The following AKAP8L variants were observed in gnomAD, a reference collection of about 807,000 sequenced individuals.
AKAP8L encodes the protein A-kinase anchor protein 8-like.
In AKAP8L, 34 loss-of-function variants were observed where a neutral mutation model predicts 77.5. That is an observed-to-expected ratio of 0.44 (90% CI 0.33 to 0.58). The LOEUF (loss-of-function observed/expected upper bound fraction) is 0.58. Among genes scored for constraint, AKAP8L ranks in the 20% least tolerant of loss-of-function variants. The probability of loss-of-function intolerance (pLI) is 0.02; values close to 1 mark genes in which losing one functional copy is unlikely to be tolerated. For missense variants in AKAP8L, 806 were observed against 887.6 expected (o/e 0.91, Z 1.17); for synonymous variants, 342 against 340.7 (o/e 1.00, Z -0.04).
chr19:15,410,960 G>A (rs1030999305), intron 1 of AKAP8L, among the ~76,000 whole-genome samples: 3 of 151,982 alleles, frequency 2.0e-5, no homozygotes, highest in South Asian at 2.1e-4. Flanking sequence ...CTATACGTTC[G>A]TGCCATCATT....
chr19:15,407,710 T>C (rs1049677306), intron 2 of AKAP8L, among the ~76,000 whole-genome samples: 1 of 152,234 alleles, frequency 6.6e-6, no homozygotes, highest in Admixed American at 6.5e-5. Context: ...GTAGGATCTG[T>C]GTTGAAAACT....
chr19:15,383,609 T>A (rs931845145), intron 12 of AKAP8L: 2 of 152,228 alleles, frequency 1.3e-5, no homozygotes, highest in Admixed American at 1.3e-4. Flanking sequence ...TATACTGAGA[T>A]CTTTTGCTAG....
chr19:15,401,655 T>C lies in AKAP8L; in HGVS notation c.363-52A>G. 1 of 1,407,824 alleles carries C rather than the reference T, an allele frequency of 7.1e-7. No individual in the cohort carries two copies. The highest frequency in any genetic ancestry group is 9.6e-7 in the Non-Finnish European group (1 of 1,043,880). 87.2% of individuals were successfully genotyped at this position (1,407,824 alleles called of 1,614,324 possible). A position where few individuals can be genotyped will look rare whatever the true frequency, so the allele number is the denominator to read the frequency against. Reference sequence around the variant, plus strand: ...GTGGAGCCCCTCAGGATCCCTCACCTCCAGGCAACTGCTCCTGCCCTCCCC... The same window carrying C: ...GTGGAGCCCCTCAGGATCCCTCACCCCCAGGCAACTGCTCCTGCCCTCCCC... On this transcript the variant is annotated intron_variant, in intron 4 of 13. Transcript: ENST00000397410. The surrounding 1 kb of genome is among the most constrained non-coding windows in gnomAD (Gnocchi z 6.2).
In AKAP8L at chr19:15,395,549, G is replaced by A. The variant is rs553035875; in HGVS notation, c.1536+1601C>T. Among the ~76,000 whole-genome samples, 9 of 151,398 alleles carry A rather than the reference G, an allele frequency of 5.9e-5. No individual in the cohort carries two copies. In the South Asian group the frequency reaches 8.3e-4, roughly 14 times the overall value. On this transcript the variant is annotated intron_variant, in intron 12 of 13. Transcript: ENST00000397410. ...AGGAAGGTCTCCATCTCTTGACCTCGTCATCTGCCCACCTTAGCCTCCCAA... is the reference window on the plus strand; with the variant it reads ...AGGAAGGTCTCCATCTCTTGACCTCATCATCTGCCCACCTTAGCCTCCCAA...
At chr19:15,410,955 C>T (rs546543476) in intron 1 of AKAP8L, among the ~76,000 whole-genome samples, 8 of 152,244 alleles carry the variant, frequency 5.3e-5, no homozygotes, top group Non-Finnish European at 7.4e-5. Context: ...TGAGACTATA[C>T]GTTCGTGCCA....
In AKAP8L at chr19:15,398,690, G is replaced by A. The variant is rs906338904; in HGVS notation, c.1157+612C>T. 12 of 987,750 alleles carry A rather than the reference G, an allele frequency of 1.2e-5. No individual in the cohort carries two copies. Among genetic ancestry groups the A allele is most frequent in the Admixed American group, 6.1e-5 (1 of 16,462 alleles). 61.2% of individuals were successfully genotyped at this position (987,750 alleles called of 1,614,324 possible). A position where few individuals can be genotyped will look rare whatever the true frequency, so the allele number is the denominator to read the frequency against. On this transcript the variant is annotated intron_variant, in intron 9 of 13. Transcript: ENST00000397410. The surrounding 1 kb of genome is among the most constrained non-coding windows in gnomAD (Gnocchi z 9.2). ...GCTTTGTCTGGAGAGCCCAGGGGCC[G>A]GGCGCCGGCGAGGCTGAGGAAGGTC...
Position 15,403,659 on chromosome 19 carries a change from C to A in AKAP8L, c.178G>T (p.Gly60Trp). The A allele has an allele frequency of 6.2e-7, 1 of 1,612,886 alleles. No individual in the cohort carries two copies. The highest frequency in any genetic ancestry group is 1.3e-5 in the African/African-American group (1 of 74,960). The change falls in exon 4 of 14, where the codon GGG (glycine) becomes TGG (tryptophan). Residue 60 changes from glycine to tryptophan, a missense_variant. Gly to Trp is a radical substitution (Grantham distance 184). This residue lies in a region of AKAP8L where 580 missense variants were observed against 694.1 expected (regional missense o/e 0.84). Coordinates refer to ENST00000397410, the MANE Select transcript of AKAP8L (RefSeq NM_014371.4). This position sits in a 1 kb window ranked among gnomAD's most constrained non-coding sequence, Gnocchi z 4.3. ...GYGQDNTTNY[G>W]YGMATSHSWE... ...GAGTGTGAAGTGGCCATACCATACCCATAGTTGGTGGTGTTATCCTGGCCA... is the reference window on the plus strand; with the variant it reads ...GAGTGTGAAGTGGCCATACCATACCAATAGTTGGTGGTGTTATCCTGGCCA...
chr19:15,398,453 A>T lies in AKAP8L; in HGVS notation c.1158-598T>A. The stretch of plus-strand genomic sequence containing the variant: ...CAAGAAGAGACCAGTCTGAGCTGGA[A>T]GGAGGGCGCCCGCTCGGCCTGCCAG... On this transcript the variant is annotated intron_variant, in intron 9 of 13. Transcript: ENST00000397410. This position sits in a 1 kb window ranked among gnomAD's most constrained non-coding sequence, Gnocchi z 9.2. The T allele has an allele frequency of 2.5e-6, 1 of 406,500 alleles. No homozygotes were observed. The highest frequency in any genetic ancestry group is 3.3e-6 in the Non-Finnish European group (1 of 300,000). 25.2% of individuals were successfully genotyped at this position (406,500 alleles called of 1,614,324 possible).
intron 8 of AKAP8L, 198 bp downstream of exon 8, chr19:15,400,097 C>T (rs1967860353): frequency 3.2e-6 from 2 of 616,992 alleles, no homozygotes; most frequent in Admixed American, 2.9e-5. Context: ...TCCACAGCCT[C>T]CGCCTGGGAA....
intron 1 of AKAP8L, among the ~76,000 whole-genome samples, chr19:15,418,651 G>C (rs923777614): frequency 3.9e-5 from 6 of 152,222 alleles, no homozygotes; most frequent in Non-Finnish European, 8.8e-5. Context: ...CGTGCGCTGA[G>C]GCCCGGACCC....
At position 15,401,657 on chromosome 19, in the gene AKAP8L, C is replaced by T. The variant is rs943750037; in HGVS notation, c.363-54G>A. The T allele has an allele frequency of 7.8e-5, 109 of 1,399,958 alleles. No homozygotes were observed. The highest frequency in any genetic ancestry group is 9.9e-5 in the African/African-American group (7 of 70,506). 86.7% of individuals were successfully genotyped at this position (1,399,958 alleles called of 1,614,324 possible). A position where few individuals can be genotyped will look rare whatever the true frequency, so the allele number is the denominator to read the frequency against. On this transcript the variant is annotated intron_variant, in intron 4 of 13. Coordinates refer to ENST00000397410, the MANE Select transcript of AKAP8L (RefSeq NM_014371.4). This position sits in a 1 kb window ranked among gnomAD's most constrained non-coding sequence, Gnocchi z 6.2. ...GGAGCCCCTCAGGATCCCTCACCTC[C>T]AGGCAACTGCTCCTGCCCTCCCCAA...
At chr19:15,390,819 A>G (rs1344342844) in intron 12 of AKAP8L, among the ~76,000 whole-genome samples, 2 of 152,246 alleles carry the variant, frequency 1.3e-5, no homozygotes, top group Non-Finnish European at 2.9e-5. Flanking sequence ...GACAAAAGCC[A>G]CATGATCACC....
At chr19:15,384,667 T>C (rs150617596) in intron 12 of AKAP8L, among the ~76,000 whole-genome samples, 15 of 152,150 alleles carry the variant, frequency 9.9e-5, no homozygotes, top group Middle Eastern at 3.4e-3. Context: ...TTTTAAGTAG[T>C]TTTTTTTCCA....
rs117686620 is a variant in AKAP8L, at chr19:15,397,341, C to T, written c.1406-61G>A. ...GGTGCCTAAGATAGACCCAGGTGTT[C>T]GAGAAAAAAACCACACCAGCTCCTC... is the stretch of plus-strand genomic sequence containing the variant. On this transcript the variant is annotated intron_variant, in intron 11 of 13. Coordinates refer to ENST00000397410, the MANE Select transcript of AKAP8L (RefSeq NM_014371.4). The surrounding 1 kb of genome is among the most constrained non-coding windows in gnomAD (Gnocchi z 4.7). 490 of 1,595,736 alleles carry T rather than the reference C, an allele frequency of 3.1e-4. No individual in the cohort carries two copies. Among genetic ancestry groups the T allele is most frequent in the Non-Finnish European group, 4.0e-4 (470 of 1,168,566 alleles).
At chr19:15,409,585 A>T (rs751564418) in intron 2 of AKAP8L, among the ~76,000 whole-genome samples, 20 of 152,184 alleles carry the variant, frequency 1.3e-4, no homozygotes, top group South Asian at 4.1e-4. Context: ...TCAGTAACTA[A>T]GACATTATCC....
chr19:15,399,366 A>G lies in AKAP8L; in HGVS notation c.1093T>C (p.Leu365=), dbSNP rs1007745068. 6.2e-7 allele frequency: 1 copy of G among 1,613,724 alleles called. No individual in the cohort carries two copies. ...TCCTGACTCTTCTTGCCTGCCTGCA[A>G]CTTGCGCTTGGTCTGGCCATTTTCA... ...QDENGQTKRK[L]QAGKKSQDKQ... is the part of the protein sequence containing the mutation. Residue 365 remains leucine (L), a synonymous_variant, in exon 9 of 14, where the codon TTG becomes CTG. Transcript: ENST00000397410. This position sits in a 1 kb window ranked among gnomAD's most constrained non-coding sequence, Gnocchi z 6.1.
chr19:15,416,454 G>A (rs1490991835), intron 1 of AKAP8L, among the ~76,000 whole-genome samples: 3 of 152,216 alleles, frequency 2.0e-5, no homozygotes, highest in Non-Finnish European at 4.4e-5. Context: ...GCCCTAGGGA[G>A]AGATCCATGG....
In AKAP8L at chr19:15,398,178, G is replaced by A; in HGVS notation, c.1158-323C>T. Reference sequence around the variant, plus strand: ...GCTGGAGGGCCTCGCTACCAAGGCTGGGCAGGAGCGTGTGCACTTGGCCCA... The same window carrying A: ...GCTGGAGGGCCTCGCTACCAAGGCTAGGCAGGAGCGTGTGCACTTGGCCCA... On this transcript the variant is annotated intron_variant, in intron 9 of 13. Coordinates refer to ENST00000397410, the MANE Select transcript of AKAP8L (RefSeq NM_014371.4). The surrounding 1 kb of genome is among the most constrained non-coding windows in gnomAD (Gnocchi z 9.2). The A allele has an allele frequency of 1.3e-5, 5 of 382,964 alleles. No homozygotes were observed. The highest frequency in any genetic ancestry group is 2.5e-5 in the Non-Finnish European group (5 of 203,562). 23.7% of individuals were successfully genotyped at this position (382,964 alleles called of 1,614,324 possible).
In AKAP8L at chr19:15,399,743, G is replaced by GA. The variant is rs1967852243; in HGVS notation, c.1049-334dup. 1 of 368,776 alleles carries GA rather than the reference G, an allele frequency of 2.7e-6. No individual in the cohort carries two copies. Among genetic ancestry groups the GA allele is most frequent in the African/African-American group, 2.1e-5 (1 of 48,566 alleles). 22.8% of individuals were successfully genotyped at this position (368,776 alleles called of 1,614,324 possible). On this transcript the variant is annotated intron_variant, in intron 8 of 13. Transcript: ENST00000397410. The surrounding 1 kb of genome is among the most constrained non-coding windows in gnomAD (Gnocchi z 6.1). ...CATGTTCAGAGGGGCCAGGTGGTGGGATGCAGGGAGGCTGCTCACATGGCC... is the reference window on the plus strand; with the variant it reads ...CATGTTCAGAGGGGCCAGGTGGTGGGAATGCAGGGAGGCTGCTCACATGGCC...
Sources: allele counts gnomAD v4.1 joint callset (sites outside exome capture counted in the v4.1 genomes callset), GRCh38; gene constraint gnomAD v4.1.1; regional missense constraint gnomAD v4.1.1; non-coding constraint Gnocchi (gnomAD v3.1); transcripts MANE v1.5; gene names NCBI Gene and HGNC (gene_info 2026-07-23, HGNC 2026-07-21).